Variants in AKAP13 observed in about 807,000 individuals in gnomAD.
The protein encoded by AKAP13 is A-kinase anchoring protein 13, also known as A-kinase anchor protein 13.
A neutral mutation model predicts 264.5 loss-of-function variants in AKAP13; 80 were observed. The observed-to-expected ratio is 0.30, with a 90% CI of 0.25 to 0.36. AKAP13 has a LOEUF of 0.36. Among genes scored for constraint, AKAP13 ranks in the 10% least tolerant of loss-of-function variants. AKAP13 has a pLI of 1.00. For synonymous variants in AKAP13, 1,380 were observed against 1,250.2 expected, an observed-to-expected ratio of 1.10 and a Z score of -2.19; for missense variants, 3,712 against 3,435.2, an observed-to-expected ratio of 1.08 and a Z score of -2.01.
intron 17 of AKAP13, among the ~76,000 whole-genome samples, chr15:85,700,443 G>C (rs1167835489): frequency 6.6e-6 from 1 of 152,154 alleles, no homozygotes; most frequent in Non-Finnish European, 1.5e-5. Context: ...AGCAAGATCT[G>C]GGTTACCTCT....
In AKAP13 at chr15:85,655,734, C is replaced by T; in HGVS notation, c.4692C>T (p.His1564=). ...SMRSLSPFRR[H]SWGPGKNAAS... is the part of the protein sequence containing the mutation. Reference sequence around the variant, plus strand: ...GCTCTCTTTCTCCCTTCCGGAGGCACAGCTGGGGGCCTGGGAAAAATGCAG... The same window carrying T: ...GCTCTCTTTCTCCCTTCCGGAGGCATAGCTGGGGGCCTGGGAAAAATGCAG... The change falls in exon 11 of 37, where the codon CAC becomes CAT. Residue 1564 remains histidine (H), a synonymous_variant. Coordinates refer to ENST00000394518, the MANE Select transcript of AKAP13 (RefSeq NM_007200.5). 6.2e-7 allele frequency: 1 copy of T among 1,613,392 alleles called. No individual in the cohort carries two copies. The highest frequency in any genetic ancestry group is 8.5e-7 in the Non-Finnish European group (1 of 1,179,366).
At chr15:85,623,316 T>C (rs982918729) in intron 8 of AKAP13, among the ~76,000 whole-genome samples, 5 of 152,256 alleles carry the variant, frequency 3.3e-5, no homozygotes, top group Admixed American at 6.5e-5. Context: ...CATCATGTTA[T>C]ATAAATTGTG....
At chr15:85,659,708 T>C (rs2151531404) in intron 12 of AKAP13, among the ~76,000 whole-genome samples, 1 of 145,478 alleles carries the variant, frequency 6.9e-6, no homozygotes, top group African/African-American at 2.5e-5. Context: ...GATTGCTGGA[T>C]GCAGTCTGAG....
intron 1 of AKAP13, among the ~76,000 whole-genome samples, chr15:85,453,186 G>A (rs1394860683): frequency 6.6e-6 from 1 of 152,206 alleles, no homozygotes; most frequent in Non-Finnish European, 1.5e-5. Context: ...GGTGGCAAGG[G>A]CAGTTCCACA....
intron 10 of AKAP13, among the ~76,000 whole-genome samples, chr15:85,650,257 C>G (rs1223126587): frequency 6.6e-6 from 1 of 152,032 alleles, no homozygotes; most frequent in East Asian, 1.9e-4. Flanking sequence ...TAGTGAGAAC[C>G]TGTCTCCAGT....
At position 85,388,103 on chromosome 15, in the gene AKAP13, C is replaced by G. The variant is rs745819815; in HGVS notation, c.-12+7305C>G. 5.9e-5 allele frequency among the ~76,000 whole-genome samples: 9 copies of G among 151,406 alleles called. No individual in the cohort carries two copies. In the South Asian group the frequency reaches 1.3e-3, roughly 21 times the overall value. ...AGGCTGGAGTGCAGTGGTGCGATCT[C>G]AGCTCACTGCAACCTGTGGCCCCCC... On this transcript the variant is annotated intron_variant, in intron 1 of 36. Transcript: ENST00000394518.
intron 8 of AKAP13, among the ~76,000 whole-genome samples, chr15:85,634,272 G>T (rs894533745): frequency 2.0e-5 from 3 of 152,126 alleles, no homozygotes; most frequent in Non-Finnish European, 4.4e-5. Flanking sequence ...ATGCCACTTA[G>T]CATATACAGT....
chr15:85,749,196 C>G lies in AKAP13; in HGVS notation c.*4519C>G, dbSNP rs2089451104. On this transcript the variant is annotated 3_prime_UTR_variant, in exon 37 of 37. Transcript: ENST00000394518. ...ATTTGTAATTATGTATAAAGTGAAGCAGTTTTAAACTGTAAAGATTTTTTT... is the reference window on the plus strand; with the variant it reads ...ATTTGTAATTATGTATAAAGTGAAGGAGTTTTAAACTGTAAAGATTTTTTT... The G allele has an allele frequency of 6.6e-6, 1 of 152,232 alleles. No homozygotes were observed. The highest frequency in any genetic ancestry group is 2.4e-5 in the African/African-American group (1 of 41,456). 9.4% of individuals were successfully genotyped at this position (152,232 alleles called of 1,614,324 possible).
intron 20 of AKAP13, 181 bp from the exon 21 acceptor site, chr15:85,717,109 T>C: frequency 3.8e-6 from 2 of 523,190 alleles, no homozygotes; most frequent in Non-Finnish European, 6.7e-6. Flanking sequence ...TACTAAATGC[T>C]CCCGACTTTG....
chr15:85,504,520 A>G lies in AKAP13; in HGVS notation c.34-16908A>G, dbSNP rs909614638. On this transcript the variant is annotated intron_variant, in intron 2 of 36. Transcript: ENST00000394518. Reference sequence around the variant, plus strand: ...TGTCTTTACAAAAAAAAAAAAAAAAAAAAAAAAAAAAAAAAGAAAAAATTA... The same window carrying G: ...TGTCTTTACAAAAAAAAAAAAAAAAGAAAAAAAAAAAAAAAGAAAAAATTA... 5.3e-4 allele frequency among the ~76,000 whole-genome samples: 45 copies of G among 84,542 alleles called. 1 individual carries two copies. The highest frequency in any genetic ancestry group is 9.0e-4 in the East Asian group (3 of 3,316). 55.5% of individuals were successfully genotyped at this position (84,542 alleles called of 152,430 possible).
chr15:85,673,134 T>C (rs994123071), intron 14 of AKAP13, among the ~76,000 whole-genome samples: 1 of 152,230 alleles, frequency 6.6e-6, no homozygotes, highest in African/African-American at 2.4e-5. Context: ...GTCCAGAATG[T>C]CTTTTGTTGG....
chr15:85,491,497 TTATTATA>T (rs55702011), intron 2 of AKAP13, among the ~76,000 whole-genome samples: 61 of 140,686 alleles, frequency 4.3e-4, no homozygotes, highest in Non-Finnish European at 6.4e-4. Flanking sequence ...TTATATATAT[TTATTATA>T]TATTATATAT....
intron 9 of AKAP13, among the ~76,000 whole-genome samples, chr15:85,643,152 G>A (rs1054143380): frequency 3.3e-4 from 50 of 150,122 alleles, no homozygotes; most frequent in Non-Finnish European, 5.9e-4. Context: ...TTTTTTAAAT[G>A]AAAGATTTTC....
chr15:85,501,184 T>G lies in AKAP13; in HGVS notation c.33+15431T>G, dbSNP rs59380455. On this transcript the variant is annotated intron_variant, in intron 2 of 36. Transcript: ENST00000394518. Reference sequence around the variant, plus strand: ...GAGTGAAGTGTATTATTGTGTAGTTTGTCCTGTCTTGTATGGTTTAGGGAT... The same window carrying G: ...GAGTGAAGTGTATTATTGTGTAGTTGGTCCTGTCTTGTATGGTTTAGGGAT... Among the ~76,000 whole-genome samples, 1,507 of 152,290 alleles carry G rather than the reference T, an allele frequency of 9.9e-3. 34 individuals carry two copies. Among genetic ancestry groups the G allele is most frequent in the African/African-American group, 0.031 (1,294 of 41,550 alleles).
chr15:85,738,149 A>G (rs1047113749), intron 33 of AKAP13, among the ~76,000 whole-genome samples: 7 of 151,854 alleles, frequency 4.6e-5, no homozygotes, highest in Non-Finnish European at 2.9e-5. Context: ...TGTAATCCCA[A>G]CACTTTGGGA....
At chr15:85,484,539 A>G (rs940397106) in intron 1 of AKAP13, among the ~76,000 whole-genome samples, 1 of 152,232 alleles carries the variant, frequency 6.6e-6, no homozygotes, top group Admixed American at 6.5e-5. Flanking sequence ...GTCCAGCAGA[A>G]CACGTTGAAG....
chr15:85,688,043 A>G (rs2085049813), intron 16 of AKAP13, among the ~76,000 whole-genome samples: 2 of 151,950 alleles, frequency 1.3e-5, no homozygotes, highest in Non-Finnish European at 2.9e-5. Context: ...AAAAAAAAAA[A>G]AAAAAAGAGA....
Position 85,562,896 on chromosome 15 carries a change from T to C in AKAP13, c.663-12235T>C, listed in dbSNP as rs2078455016. Among the ~76,000 whole-genome samples, 10 of 146,820 alleles carry C rather than the reference T, an allele frequency of 6.8e-5. No individual in the cohort carries two copies. The Admixed American group carries it at 6.9e-4, about 10-fold the overall frequency. On this transcript the variant is annotated intron_variant, in intron 5 of 36. Transcript: ENST00000394518. ...GTTTTTTTTTTTTTTGTATTTTTAG[T>C]AGAGATAGGGTTTCACCATATTGGC... is the stretch of plus-strand genomic sequence containing the variant.
At chr15:85,504,712 A>G (rs940308721) in intron 2 of AKAP13, among the ~76,000 whole-genome samples, 10 of 143,544 alleles carry the variant, frequency 7.0e-5, no homozygotes, top group Admixed American at 1.4e-4. Context: ...AAAAAAAAAA[A>G]AAATCCTTAC....
Sources: allele counts gnomAD v4.1 joint callset (sites outside exome capture counted in the v4.1 genomes callset), GRCh38; gene constraint gnomAD v4.1.1; transcripts MANE v1.5; gene names NCBI Gene and HGNC (gene_info 2026-07-23, HGNC 2026-07-21).